C9orf72: variants seen among roughly 807,000 people sequenced by gnomAD.
The protein encoded by C9orf72 is C9orf72-SMCR8 complex subunit.
C9orf72 carries 44 observed loss-of-function variants against 51.6 expected under a neutral mutation model. The ratio of observed to expected loss-of-function variants is 0.85; its 90% CI spans 0.67 to 1.10. The LOEUF (loss-of-function observed/expected upper bound fraction) is 1.10. C9orf72 is among the 50% of genes least tolerant of loss of function. The pLI is 0.00. For synonymous variants in C9orf72, 213 were observed against 194.2 expected, an observed-to-expected ratio of 1.10 and a Z score of -0.81; for missense variants, 607 against 570.6, an observed-to-expected ratio of 1.06 and a Z score of -0.65.
chr9:27,562,302 A>G (rs1819368535), intron 4 of C9orf72, 79 bp downstream of exon 4: 24 of 510,440 alleles, frequency 4.7e-5, no homozygotes. Context: ...TATTAAAATT[A>G]GAATATTAAT....
At position 27,558,668 on chromosome 9, in the gene C9orf72, GAA is replaced by G; in HGVS notation, c.739-63_739-62del. ...GTAAAAAGACCACTGATTTGCTTAT[GAA>G]AGATATCTGAAATTTTAATTGTTAT... On this transcript the variant is annotated intron_variant, in intron 6 of 10. Coordinates refer to ENST00000380003, the MANE Select transcript of C9orf72 (RefSeq NM_018325.5). 4.9e-6 allele frequency: 4 copies of G among 821,428 alleles called. No homozygotes were observed. In the South Asian group the frequency reaches 6.3e-5, roughly 13 times the overall value. The allele number at this position is 821,428 out of a possible 1,614,324, so 50.9% of individuals were successfully genotyped here. A position where few individuals can be genotyped will look rare whatever the true frequency, so the allele number is the denominator to read the frequency against.
At chr9:27,556,115 T>C (rs1003823751) in intron 8 of C9orf72, among the ~76,000 whole-genome samples, 1 of 152,034 alleles carries the variant, frequency 6.6e-6, no homozygotes, top group Non-Finnish European at 1.5e-5. Flanking sequence ...GTTCCATTAA[T>C]ATATTTTAAC....
chr9:27,553,724 T>G (rs919424406), intron 8 of C9orf72, among the ~76,000 whole-genome samples: 4 of 152,106 alleles, frequency 2.6e-5, no homozygotes, highest in African/African-American at 9.7e-5. Flanking sequence ...AACGAGCTCC[T>G]GCATGGCAAA....
At position 27,560,224 on chromosome 9, in the gene C9orf72, T is replaced by G; in HGVS notation, c.738+3A>C. ...TCATTTGCTAGATTATAAAATAAAC[T>G]ACCTTATTTACTTTCTCTGCACTGC... On this transcript the variant is annotated splice_donor_region_variant and intron_variant, in intron 6 of 10. Transcript: ENST00000380003. The G allele has an allele frequency of 6.3e-7, 1 of 1,587,474 alleles. No individual in the cohort carries two copies. The highest frequency in any genetic ancestry group is 1.1e-5 in the South Asian group (1 of 88,428).
intron 1 of C9orf72, 101 bp from the exon 2 acceptor site, chr9:27,567,265 C>T (rs1587319259): frequency 1.5e-6 from 1 of 673,510 alleles, no homozygotes; most frequent in East Asian, 2.7e-5. Context: ...CCTCTTAAGT[C>T]AAAGATGTGG....
At chr9:27,556,186 GT>G (rs1232732471) in intron 8 of C9orf72, among the ~76,000 whole-genome samples, 2 of 151,690 alleles carry the variant, frequency 1.3e-5, no homozygotes, top group Admixed American at 6.6e-5. Context: ...TACTTCTTTG[GT>G]TTTGTTAATA....
chr9:27,553,163 C>A (rs1420498884), intron 8 of C9orf72, among the ~76,000 whole-genome samples: 1 of 152,126 alleles, frequency 6.6e-6, no homozygotes, highest in Non-Finnish European at 1.5e-5. Context: ...TCTACAGATT[C>A]AATGCTATTC....
chr9:27,552,919 T>C (rs1820937769), intron 8 of C9orf72, among the ~76,000 whole-genome samples: 1 of 152,212 alleles, frequency 6.6e-6, no homozygotes, highest in African/African-American at 2.4e-5. Context: ...GATATTGGCC[T>C]GAAGTTTTCT....
At position 27,548,578 on chromosome 9, in the gene C9orf72, A is replaced by G. The variant is rs760887239; in HGVS notation, c.1238T>C (p.Ile413Thr). ...TCACGTATCGTCTTCTATATATTTTATTAGTGTCAAGGCTTTTCTGTGAAG... is the reference window on the plus strand; with the variant it reads ...TCACGTATCGTCTTCTATATATTTTGTTAGTGTCAAGGCTTTTCTGTGAAG... ...LVLHRKALTL[I>T]KYIEDDTQKG... Residue 413 changes from isoleucine (I) to threonine (T), a missense_variant, in exon 10 of 11, where the codon ATA becomes ACA. By Grantham distance (89) the Ile-to-Thr change is moderately conservative. Transcript: ENST00000380003. 198 of 1,598,696 alleles carry G rather than the reference A, an allele frequency of 1.2e-4. No individual in the cohort carries two copies. The highest frequency in any genetic ancestry group is 1.4e-4 in the Non-Finnish European group (160 of 1,166,490).
chr9:27,567,827 T>C (rs758210268), intron 1 of C9orf72, among the ~76,000 whole-genome samples: 2 of 151,948 alleles, frequency 1.3e-5, no homozygotes, highest in Non-Finnish European at 2.9e-5. Context: ...AGATACTGGA[T>C]TGTTGAAACT....
At chr9:27,568,773 T>C (rs534102471) in intron 1 of C9orf72, among the ~76,000 whole-genome samples, 21 of 152,322 alleles carry the variant, frequency 1.4e-4, no homozygotes, top group African/African-American at 5.1e-4. Flanking sequence ...AACTACTACA[T>C]TGCTGGTTTA....
chr9:27,562,163 A>C (rs988752345), intron 4 of C9orf72, among the ~76,000 whole-genome samples: 2 of 152,224 alleles, frequency 1.3e-5, no homozygotes, highest in Non-Finnish European at 2.9e-5. Context: ...AATAAACAAA[A>C]TGAATTTAAT....
rs1044902337 is a variant in C9orf72, at chr9:27,567,180, T to A, written c.-44-16A>T. The A allele has an allele frequency of 8.8e-6, 12 of 1,368,174 alleles. No homozygotes were observed. In the African/African-American group the frequency reaches 1.6e-4, roughly 18 times the overall value. The allele number at this position is 1,368,174 out of a possible 1,614,324, so 84.8% of individuals were successfully genotyped here. On this transcript the variant is annotated splice_polypyrimidine_tract_variant and intron_variant, in intron 1 of 10. Coordinates refer to ENST00000380003, the MANE Select transcript of C9orf72 (RefSeq NM_018325.5). The stretch of plus-strand genomic sequence containing the variant: ...CCGGAGATATCTAAACAATGACATA[T>A]GAAACCAATGATTAGGTTCAGCAAT...
At chr9:27,569,195 TAA>T (rs1488680770) in intron 1 of C9orf72, among the ~76,000 whole-genome samples, 1 of 152,220 alleles carries the variant, frequency 6.6e-6, no homozygotes, top group Non-Finnish European at 1.5e-5. Flanking sequence ...CTAAGTATTT[TAA>T]AAGTTAAAAA....
intron 5 of C9orf72, 83 bp downstream of exon 5, chr9:27,561,502 T>C (rs1819345707): frequency 1.9e-6 from 3 of 1,573,778 alleles, no homozygotes; most frequent in African/African-American, 2.7e-5. Flanking sequence ...CAGTCTGTTA[T>C]TTTCTTTCTT....
rs181092311 is a variant in C9orf72, at chr9:27,560,413, A to G, written c.666-114T>C. 20 of 761,464 alleles carry G rather than the reference A, an allele frequency of 2.6e-5. No individual in the cohort carries two copies. In the African/African-American group the frequency reaches 3.2e-4, roughly 12 times the overall value. 47.2% of individuals were successfully genotyped at this position (761,464 alleles called of 1,614,324 possible). On this transcript the variant is annotated intron_variant, in intron 5 of 10. Coordinates refer to ENST00000380003, the MANE Select transcript of C9orf72 (RefSeq NM_018325.5). ...TAACTCAGAATAGCTTTATATGATA[A>G]ACACCGAAGCTATAAGCACAATGTT...
At chr9:27,555,480 T>C (rs958266322) in intron 8 of C9orf72, among the ~76,000 whole-genome samples, 2 of 152,182 alleles carry the variant, frequency 1.3e-5, no homozygotes, top group Non-Finnish European at 2.9e-5. Flanking sequence ...AATTTTTCTA[T>C]TGCCTTACAC....
chr9:27,561,225 A>G (rs2131539736), intron 5 of C9orf72: 1 of 1,047,498 alleles, frequency 9.5e-7, no homozygotes, highest in Non-Finnish European at 1.2e-6. Context: ...CAGTATAAAT[A>G]TGAATAATTT....
At chr9:27,561,288 G>A in intron 5 of C9orf72, 1 of 1,149,014 alleles carries the variant, frequency 8.7e-7, no homozygotes, top group Non-Finnish European at 1.1e-6. Context: ...TAATATGAAA[G>A]GATTCTGTTA....
Sources: gnomAD v4.1 joint callset for allele counts (sites outside exome capture counted in the v4.1 genomes callset) on GRCh38, gnomAD v4.1.1 for gene constraint, MANE v1.5 for transcripts, NCBI Gene and HGNC (gene_info 2026-07-23, HGNC 2026-07-21) for gene names.